The following ERMAP variants were observed in gnomAD, a reference collection of about 807,000 sequenced individuals.
ERMAP encodes the protein erythroblast membrane associated protein (Scianna blood group).
In ERMAP, 34 loss-of-function variants were observed where a neutral mutation model predicts 49.5. That is an observed-to-expected ratio of 0.69 (90% CI 0.52 to 0.91). The LOEUF (loss-of-function observed/expected upper bound fraction) is 0.91. Ranked by LOEUF, ERMAP falls within the 40% of genes least tolerant of loss-of-function variation. ERMAP has a pLI of 0.00. For synonymous variants in ERMAP, 214 were observed against 232.2 expected, an observed-to-expected ratio of 0.92 and a Z score of 0.71; for missense variants, 541 against 582.6, an observed-to-expected ratio of 0.93 and a Z score of 0.74.
chr1:42,821,536 T>C (rs1410656642), intron 1 of ERMAP, among the ~76,000 whole-genome samples: 1 of 152,196 alleles, frequency 6.6e-6, no homozygotes, highest in Non-Finnish European at 1.5e-5. Flanking sequence ...GCAGTAAAAA[T>C]ATTAATTATG....
intron 2 of ERMAP, among the ~76,000 whole-genome samples, chr1:42,826,992 C>A (rs1315584117): frequency 6.6e-6 from 1 of 152,050 alleles, no homozygotes; most frequent in African/African-American, 2.4e-5. Context: ...GGAAAACAAC[C>A]TAAATGTCCT....
At chr1:42,820,016 A>C (rs1251298942) in intron 1 of ERMAP, among the ~76,000 whole-genome samples, 1 of 152,128 alleles carries the variant, frequency 6.6e-6, no homozygotes, top group East Asian at 1.9e-4. Context: ...ATGGAAGCTA[A>C]ATTTTTGAGT....
At chr1:42,841,673 C>T (rs2124362700) in intron 11 of ERMAP, among the ~76,000 whole-genome samples, 1 of 152,316 alleles carries the variant, frequency 6.6e-6, no homozygotes, top group East Asian at 1.9e-4. Flanking sequence ...GTTACTATTT[C>T]CATTTTACAG....
At chr1:42,831,330 T>C (rs1654724309) in intron 4 of ERMAP, among the ~76,000 whole-genome samples, 1 of 152,202 alleles carries the variant, frequency 6.6e-6, no homozygotes, top group Non-Finnish European at 1.5e-5. Context: ...ACTCAGACTT[T>C]GGAAAACACT....
chr1:42,828,115 T>A (rs1188059084), intron 2 of ERMAP, among the ~76,000 whole-genome samples: 1 of 151,216 alleles, frequency 6.6e-6, no homozygotes. Context: ...TTAGAAGAGA[T>A]GGAGGAAGGG....
At chr1:42,839,720 A>G (rs1460778285) in intron 8 of ERMAP, 1 of 468,126 alleles carries the variant, frequency 2.1e-6, no homozygotes, top group Non-Finnish European at 3.8e-6. Context: ...ATAGTTTTAA[A>G]TGAAGTAATA....
chr1:42,838,173 C>G (rs150261925), intron 7 of ERMAP, among the ~76,000 whole-genome samples: 50 of 152,298 alleles, frequency 3.3e-4, no homozygotes, highest in Admixed American at 2.3e-3. Context: ...GCACAGCAGA[C>G]AGTAAATGGA....
intron 2 of ERMAP, chr1:42,829,844 C>G (rs1374795973): frequency 2.0e-5 from 3 of 153,372 alleles, no homozygotes; most frequent in African/African-American, 7.2e-5. Context: ...ATAGGTAGAG[C>G]TAAGATTTGA....
At chr1:42,832,434 C>A (rs1244243023) in intron 4 of ERMAP, among the ~76,000 whole-genome samples, 1 of 151,848 alleles carries the variant, frequency 6.6e-6, no homozygotes, top group East Asian at 1.9e-4. Context: ...ATGATGCTAT[C>A]TGGGCTCACC....
intron 2 of ERMAP, among the ~76,000 whole-genome samples, chr1:42,828,296 T>C (rs1654612986): frequency 6.6e-6 from 1 of 152,048 alleles, no homozygotes; most frequent in Non-Finnish European, 1.5e-5. Context: ...CAGCATCTGG[T>C]GCAAATCATT....
rs147491998 is a variant in ERMAP at position 42,834,744 on chromosome 1, C to T, written c.434-294C>T. On this transcript the variant is annotated intron_variant, in intron 4 of 11. Transcript: ENST00000372517. ...CTAATTTTTGTATTTTTAGTAGACA[C>T]GGAGTTTCCCCACATTGGCCAGCTG... The T allele has an allele frequency of 3.9e-3, 1,126 of 290,460 alleles. 17 individuals are homozygous for T. Among genetic ancestry groups the T allele is most frequent in the African/African-American group, 0.024 (1,063 of 45,058 alleles). The allele number at this position is 290,460 out of a possible 1,614,324, so 18.0% of individuals were successfully genotyped here.
At chr1:42,840,093 T>C in intron 9 of ERMAP, 40 bp downstream of exon 9, 5 of 1,614,192 alleles carry the variant, frequency 3.1e-6, no homozygotes, top group South Asian at 1.1e-5. Context: ...TACCAACTTA[T>C]CTCCTGTTGC....
At chr1:42,838,982 G>A (rs1203349739) in intron 8 of ERMAP, 61 bp downstream of exon 8, 27 of 1,613,686 alleles carry the variant, frequency 1.7e-5, no homozygotes, top group Non-Finnish European at 2.2e-5. Context: ...GCTTTGGGAT[G>A]AGCATCTCAG....
At chr1:42,831,193 T>C (rs1238502246) in intron 4 of ERMAP, 78 bp downstream of exon 4, 1 of 1,489,364 alleles carries the variant, frequency 6.7e-7, no homozygotes, top group South Asian at 1.3e-5. Context: ...TGTCTCTCCA[T>C]GTCTAGACTT....
Position 42,830,917 on chromosome 1 carries a change from A to G in ERMAP, c.235A>G (p.Ile79Val), listed in dbSNP as rs749859392. ...CCCGCAGCGCTCCCAGGCTGTTCACATATTCCGGGATGGGAAGGACCAGGA... is the reference window on the plus strand; with the variant it reads ...CCCGCAGCGCTCCCAGGCTGTTCACGTATTCCGGGATGGGAAGGACCAGGA... ...PFPQRSQAVH[I>V]FRDGKDQDED... Residue 79 changes from isoleucine (I) to valine (V), a missense_variant, in exon 4 of 12, where the codon ATA becomes GTA. By Grantham distance (29) the Ile-to-Val change is conservative (BLOSUM62 3). Transcript: ENST00000372517. 30 of 1,614,066 alleles carry G rather than the reference A, an allele frequency of 1.9e-5. No individual in the cohort carries two copies. The Admixed American group carries it at 4.7e-4, about 25-fold the overall frequency.
rs1015958835 is a variant in ERMAP at position 42,817,235 on chromosome 1, A to G, written c.-140A>G. ...GAAGTTGGAGCCTCCGCCGAGTCGC[A>G]GACAACGCCTCCGGGAGGGTAATCC... On this transcript the variant is annotated 5_prime_UTR_variant, in exon 1 of 12. Transcript: ENST00000372517. The G allele has an allele frequency of 9.6e-6, 12 of 1,255,222 alleles. No individual in the cohort carries two copies. In the African/African-American group the frequency reaches 1.9e-4, roughly 20 times the overall value. The allele number at this position is 1,255,222 out of a possible 1,614,324, so 77.8% of individuals were successfully genotyped here.
At chr1:42,820,746 A>T (rs764822345) in intron 1 of ERMAP, among the ~76,000 whole-genome samples, 27 of 151,702 alleles carry the variant, frequency 1.8e-4, no homozygotes, top group Non-Finnish European at 3.5e-4. Flanking sequence ...CTCTTATTTC[A>T]TATTTCTGAG....
chr1:42,836,672 A>G (rs1360602653), intron 6 of ERMAP, among the ~76,000 whole-genome samples: 1 of 152,106 alleles, frequency 6.6e-6, no homozygotes, highest in Non-Finnish European at 1.5e-5. Flanking sequence ...CCTGATTAAC[A>G]TGGCGAAACC....
At chr1:42,828,460 C>A (rs1004214854) in intron 2 of ERMAP, among the ~76,000 whole-genome samples, 5 of 151,710 alleles carry the variant, frequency 3.3e-5, no homozygotes, top group South Asian at 2.1e-4. Flanking sequence ...AGGACTTGAA[C>A]CCAGGCTGAC....
Sources: allele counts gnomAD v4.1 joint callset (sites outside exome capture counted in the v4.1 genomes callset), GRCh38; gene constraint gnomAD v4.1.1; transcripts MANE v1.5; gene names NCBI Gene and HGNC (gene_info 2026-07-23, HGNC 2026-07-21).